Variants in MGAT5 observed in about 807,000 individuals in gnomAD.
MGAT5 encodes alpha-1,6-mannosylglycoprotein 6-beta-N-acetylglucosaminyltransferase A.
Under a neutral mutation model 94.3 loss-of-function variants are expected in MGAT5, and 30 were observed. The ratio of observed to expected loss-of-function variants is 0.32; its 90% CI spans 0.24 to 0.43. The LOEUF is 0.43. MGAT5 is among the 20% of genes least tolerant of loss of function. The pLI is 1.00. For missense variants in MGAT5, 691 were observed against 905.5 expected, an observed-to-expected ratio of 0.76 and a Z score of 3.04; for synonymous variants, 310 against 322.9, an observed-to-expected ratio of 0.96 and a Z score of 0.43.
chr2:134,151,712 C>A (rs13026540), intron 1 of MGAT5, among the ~76,000 whole-genome samples: 2 of 136,440 alleles, frequency 1.5e-5, no homozygotes, highest in African/African-American at 2.9e-5. Flanking sequence ...TCACCCATGC[C>A]CTGTGGGACC....
chr2:134,300,042 T>C (rs1685924437), intron 2 of MGAT5, among the ~76,000 whole-genome samples: 1 of 152,234 alleles, frequency 6.6e-6, no homozygotes, highest in Non-Finnish European at 1.5e-5. Flanking sequence ...TATATTCATT[T>C]CTATGTTCTA....
At chr2:134,276,961 T>C (rs1684417298) in intron 2 of MGAT5, among the ~76,000 whole-genome samples, 1 of 152,154 alleles carries the variant, frequency 6.6e-6, no homozygotes, top group Non-Finnish European at 1.5e-5. Flanking sequence ...GCTTGAAGGA[T>C]AGCTGGGTGA....
At chr2:134,435,809 T>TA (rs1394298913) in intron 14 of MGAT5, among the ~76,000 whole-genome samples, 4 of 152,218 alleles carry the variant, frequency 2.6e-5, no homozygotes, top group African/African-American at 7.2e-5. Flanking sequence ...AATGAGTACT[T>TA]ATGATAAGGA....
intron 1 of MGAT5, among the ~76,000 whole-genome samples, chr2:134,176,570 C>CT (rs200571166): frequency 2.6e-4 from 13 of 49,716 alleles, no homozygotes; most frequent in East Asian, 6.4e-4. Context: ...GAGACTCTGT[C>CT]TTAAAAAAAA....
intron 1 of MGAT5, among the ~76,000 whole-genome samples, chr2:134,168,979 A>T (rs1688075635): frequency 6.6e-6 from 1 of 152,050 alleles, no homozygotes; most frequent in Non-Finnish European, 1.5e-5. Flanking sequence ...GGGTGGGGAG[A>T]TGTGAGACCT....
chr2:134,138,393 A>G (rs1460249985), intron 1 of MGAT5, among the ~76,000 whole-genome samples: 1 of 152,166 alleles, frequency 6.6e-6, no homozygotes, highest in African/African-American at 2.4e-5. Flanking sequence ...GAAGGTCTAA[A>G]GTGTAGGAGT....
At chr2:134,229,411 T>A (rs1455513538) in intron 1 of MGAT5, among the ~76,000 whole-genome samples, 4 of 152,244 alleles carry the variant, frequency 2.6e-5, no homozygotes, top group Non-Finnish European at 4.4e-5. Context: ...CACACATGTG[T>A]GTTTCGTTTT....
intron 2 of MGAT5, among the ~76,000 whole-genome samples, chr2:134,283,106 C>T (rs1371176653): frequency 6.6e-6 from 1 of 151,976 alleles, no homozygotes; most frequent in Non-Finnish European, 1.5e-5. Flanking sequence ...GATGTGTTAA[C>T]GCATTGGTTC....
rs78249293 is a variant in MGAT5 at position 134,236,051 on chromosome 2, A to C, written c.-142-18211A>C. On this transcript the variant is annotated intron_variant, in intron 1 of 16. Coordinates refer to the MGAT5 transcript ENST00000409645. ...GACCTGTTTTTCTCAGTTAAGTTGA[A>C]AATGGAAGAGCCTCAGACACCACCT... is the stretch of plus-strand genomic sequence containing the variant. Among the ~76,000 whole-genome samples, 773 of 152,290 alleles carry C rather than the reference A, an allele frequency of 5.1e-3. 25 individuals carry two copies. In the East Asian group the frequency reaches 0.11, roughly 22 times the overall value.
At chr2:134,397,627 A>ACCCCATCC (rs1281561701) in intron 10 of MGAT5, among the ~76,000 whole-genome samples, 3 of 152,112 alleles carry the variant, frequency 2.0e-5, no homozygotes, top group Admixed American at 6.6e-5. Flanking sequence ...GGACCCCATC[A>ACCCCATCC]CCCCATCCCA....
At chr2:134,444,241 A>C (rs762350154) in intron 15 of MGAT5, among the ~76,000 whole-genome samples, 3 of 152,220 alleles carry the variant, frequency 2.0e-5, no homozygotes, top group Non-Finnish European at 4.4e-5. Flanking sequence ...AAGACGGATA[A>C]GCCAGCCCCA....
rs370660622 is a variant in MGAT5 at position 134,270,489 on chromosome 2, C to T, written c.345C>T (p.Asn115=). 6.2e-7 allele frequency: 1 copy of T among 1,614,076 alleles called. No individual in the cohort carries two copies. Among genetic ancestry groups the T allele is most frequent in the African/African-American group, 1.3e-5 (1 of 74,934 alleles). ...TTGTTGTCAATGGCACCGGAACAAACTCAACCAACTCCACTACAGCTGTTC... is the reference window on the plus strand; with the variant it reads ...TTGTTGTCAATGGCACCGGAACAAATTCAACCAACTCCACTACAGCTGTTC... ...DNLVVNGTGT[N]STNSTTAVPS... Residue 115 remains asparagine (N), a synonymous_variant, in exon 2 of 16, where the codon AAC becomes AAT. Transcript: ENST00000281923.
chr2:134,380,876 G>A lies in MGAT5; in HGVS notation c.1380+18468G>A, dbSNP rs149308526. 2.4e-3 allele frequency among the ~76,000 whole-genome samples: 361 copies of A among 152,308 alleles called. 2 individuals carry two copies. Among genetic ancestry groups the A allele is most frequent in the African/African-American group, 8.4e-3 (348 of 41,564 alleles). ...TTGGTAATGAAAGAGTAAACACGTT[G>A]TATGCTTGCCTTTATGGATCTGATA... On this transcript the variant is annotated intron_variant, in intron 10 of 15. Coordinates refer to ENST00000281923, the MANE Select transcript of MGAT5 (RefSeq NM_002410.5).
rs191350226 is a variant in MGAT5 at position 134,270,897 on chromosome 2, C to T, written c.406+347C>T. 4.2e-3 allele frequency among the ~76,000 whole-genome samples: 640 copies of T among 152,274 alleles called. 12 individuals carry two copies. Among genetic ancestry groups the T allele is most frequent in the Admixed American group, 0.032 (486 of 15,300 alleles). On this transcript the variant is annotated intron_variant, in intron 2 of 15. Coordinates refer to ENST00000281923, the MANE Select transcript of MGAT5 (RefSeq NM_002410.5). ...TTTAGAGTTCTTCCTCCTCCGTACT[C>T]CCATCAGACAATTTTGAAAGTCTGT...
At chr2:134,169,414 AC>A (rs1309686583) in intron 1 of MGAT5, among the ~76,000 whole-genome samples, 3 of 38,534 alleles carry the variant, frequency 7.8e-5, no homozygotes, top group Non-Finnish European at 1.7e-4. Context: ...ACACACACAG[AC>A]ACACACACAC....
At chr2:134,339,290 C>G (rs182733189) in intron 6 of MGAT5, among the ~76,000 whole-genome samples, 4 of 152,074 alleles carry the variant, frequency 2.6e-5, no homozygotes, top group Admixed American at 2.0e-4. Flanking sequence ...AAGAATTTTT[C>G]TGTATATTCC....
intron 10 of MGAT5, among the ~76,000 whole-genome samples, chr2:134,375,511 A>G (rs1482818266): frequency 6.6e-6 from 1 of 152,262 alleles, no homozygotes; most frequent in Admixed American, 6.5e-5. Flanking sequence ...AAGTGAAACA[A>G]AGCTTTATTC....
chr2:134,163,616 A>T (rs893736013), intron 1 of MGAT5, among the ~76,000 whole-genome samples: 31 of 152,306 alleles, frequency 2.0e-4, no homozygotes, highest in South Asian at 2.1e-4. Flanking sequence ...TTTGTCCAGG[A>T]CTGGATGATT....
intron 7 of MGAT5, 146 bp from the exon 8 acceptor site, chr2:134,344,784 A>G: frequency 1.1e-6 from 1 of 894,902 alleles, no homozygotes; most frequent in South Asian, 1.8e-5. Context: ...AATAATTTAT[A>G]TAGGTAGCAG....
Sources: gnomAD v4.1 joint callset for allele counts (sites outside exome capture counted in the v4.1 genomes callset) on GRCh38, gnomAD v4.1.1 for gene constraint, MANE v1.5 for transcripts, NCBI Gene and HGNC (gene_info 2026-07-23, HGNC 2026-07-21) for gene names.